ZNF883: variants seen among roughly 807,000 people sequenced by gnomAD.
ZNF883 encodes the protein zinc finger protein 883.
At chr9:113,000,295 A>C (rs983255262), upstream of ZNF883, among the ~76,000 whole-genome samples, 12 of 152,226 alleles carry the variant, frequency 7.9e-5, no homozygotes, top group African/African-American at 2.9e-4. Context: ...AAACCAGAAA[A>C]GTGAAATGGG....
intron 2 of ZNF883, among the ~76,000 whole-genome samples, chr9:113,009,779 A>G (rs577498027): frequency 4.7e-4 from 71 of 152,138 alleles, no homozygotes; most frequent in Non-Finnish European, 7.9e-4. Flanking sequence ...AAGTGCTGGG[A>G]TTACAGGCAT....
downstream of ZNF883, chr9:112,997,021 CT>C (rs1828365087): frequency 1.7e-6 from 2 of 1,203,750 alleles, no homozygotes; most frequent in African/African-American, 1.5e-5. Context: ...AGTGTTTTGC[CT>C]AAGATTTTCC....
At chr9:112,996,195 A>C (rs1828352350), downstream of ZNF883, among the ~76,000 whole-genome samples, 1 of 152,096 alleles carries the variant, frequency 6.6e-6, no homozygotes, top group Admixed American at 6.6e-5. Flanking sequence ...ACTGCATTGC[A>C]CTGAAAAAAA....
rs1390388745 is a variant in ZNF883 at position 112,997,443 on chromosome 9, T to A, written n.817A>T. 4.3e-6 allele frequency: 7 copies of A among 1,613,936 alleles called. No individual in the cohort carries two copies. The Admixed American group carries it at 8.3e-5, about 19-fold the overall frequency. On this transcript the variant is annotated non_coding_transcript_exon_variant, in exon 1 of 1. Transcript: ENST00000639662. ...GTAAGGTGTGTACTTCGACTGAAGG[T>A]TTTTCCACATTCTTTACAAACATAG... is the stretch of plus-strand genomic sequence containing the variant.
chr9:113,005,415 A>T (rs1018993490), intron 2 of ZNF883, among the ~76,000 whole-genome samples: 2 of 152,158 alleles, frequency 1.3e-5, no homozygotes, highest in African/African-American at 4.8e-5. Flanking sequence ...ATACAAAAAG[A>T]TTTTCAAGCT....
At chr9:112,994,679 C>G (rs1339921213), downstream of ZNF883, among the ~76,000 whole-genome samples, 1 of 151,394 alleles carries the variant, frequency 6.6e-6, no homozygotes, top group Admixed American at 6.6e-5. Flanking sequence ...TTTTAAATTC[C>G]TGGTATTTTT....
chr9:112,999,024 T>C (rs1828395072), upstream of ZNF883: 1 of 152,168 alleles, frequency 6.6e-6, no homozygotes, highest in Non-Finnish European at 1.5e-5. Flanking sequence ...TGAAAAAAAA[T>C]TCTAACATCA....
Position 113,007,971 on chromosome 9 carries a change from A to G in ZNF883, n.165+3170T>C, listed in dbSNP as rs143443716. On this transcript the variant is annotated intron_variant and non_coding_transcript_variant, in intron 2 of 4. Coordinates refer to the ZNF883 transcript ENST00000638622. ...AAATTTCAAATTATTAGTCAAATTC[A>G]TAGAGGGAAAATTTTTCTGCATCAC... is the stretch of plus-strand genomic sequence containing the variant. 4.4e-3 allele frequency among the ~76,000 whole-genome samples: 665 copies of G among 152,320 alleles called. 6 individuals carry two copies. In the South Asian group the frequency reaches 0.047, roughly 11 times the overall value.
At chr9:113,004,177 C>T (rs896867415) in intron 2 of ZNF883, among the ~76,000 whole-genome samples, 3 of 152,310 alleles carry the variant, frequency 2.0e-5, no homozygotes, top group African/African-American at 7.2e-5. Context: ...CAAAGATTTC[C>T]AGCAAACCAC....
At chr9:113,006,761 CTCT>C (rs950758296) in intron 2 of ZNF883, among the ~76,000 whole-genome samples, 17 of 152,286 alleles carry the variant, frequency 1.1e-4, no homozygotes, top group African/African-American at 3.6e-4. Context: ...TAATCTGTCT[CTCT>C]TCTTCTACAG....
chr9:112,997,377 A>T, exon 1 of ZNF883: 1 of 1,614,008 alleles, frequency 6.2e-7, no homozygotes, highest in South Asian at 1.1e-5. Flanking sequence ...CATTCATTAC[A>T]TTGATAGGGT....
intron 2 of ZNF883, among the ~76,000 whole-genome samples, chr9:113,004,303 AT>A (rs1187965340): frequency 6.6e-6 from 1 of 152,218 alleles, no homozygotes; most frequent in Non-Finnish European, 1.5e-5. Flanking sequence ...ATAAATTTAT[AT>A]TGTTTTAAGT....
chr9:112,997,101 G>A (rs1828366113), downstream of ZNF883: 4 of 1,561,752 alleles, frequency 2.6e-6, no homozygotes, highest in Non-Finnish European at 3.5e-6. Context: ...ACGACTGACT[G>A]CAGGCTTTCC....
intron 1 of ZNF883, among the ~76,000 whole-genome samples, chr9:112,989,536 G>C: frequency 6.6e-6 from 1 of 152,200 alleles, no homozygotes; most frequent in South Asian, 2.1e-4. Flanking sequence ...TCATAGTATA[G>C]TTTGGAGTTG....
chr9:113,001,314 T>G (rs1387664789), upstream of ZNF883, among the ~76,000 whole-genome samples: 3 of 152,100 alleles, frequency 2.0e-5, no homozygotes, highest in East Asian at 5.8e-4. Flanking sequence ...GGAAAGGAGC[T>G]GGTGAACGGC....
chr9:113,002,130 A>G (rs1828431398), upstream of ZNF883: 1 of 152,226 alleles, frequency 6.6e-6, no homozygotes, highest in Non-Finnish European at 1.5e-5. Flanking sequence ...GACATTTACG[A>G]AAGAAACAGT....
chr9:112,992,497 G>C (rs759050157), downstream of ZNF883, among the ~76,000 whole-genome samples: 2 of 152,228 alleles, frequency 1.3e-5, no homozygotes, highest in Non-Finnish European at 2.9e-5. Context: ...CTTTCTTTCT[G>C]GCTGACTTTA....
At chr9:113,000,075 G>A (rs1430686847), upstream of ZNF883, among the ~76,000 whole-genome samples, 1 of 152,132 alleles carries the variant, frequency 6.6e-6, no homozygotes, top group Non-Finnish European at 1.5e-5. Flanking sequence ...CAGGAAATCT[G>A]GAGGGCTTTC....
intron 1 of ZNF883, among the ~76,000 whole-genome samples, chr9:112,989,462 T>C (rs1176493629): frequency 6.6e-6 from 1 of 152,216 alleles, no homozygotes; most frequent in East Asian, 1.9e-4. Flanking sequence ...GAGATCTCTA[T>C]TCTGTTCCAT....
Sources: allele counts gnomAD v4.1 joint callset (sites outside exome capture counted in the v4.1 genomes callset), GRCh38; gene constraint gnomAD v4.1.1; transcripts MANE v1.5; gene names NCBI Gene and HGNC (gene_info 2026-07-23, HGNC 2026-07-21).